PRMT8: variants seen among roughly 807,000 people sequenced by gnomAD.
PRMT8 encodes the protein protein arginine methyltransferase 8, also known as protein arginine N-methyltransferase 8.
A neutral mutation model predicts 47.1 loss-of-function variants in PRMT8; 7 were observed. The ratio of observed to expected loss-of-function variants is 0.15; its 90% CI spans 0.08 to 0.28. PRMT8 has a LOEUF of 0.28. Ranked by LOEUF, PRMT8 falls within the 10% of genes least tolerant of loss-of-function variation. The pLI is 1.00. For synonymous variants in PRMT8, 188 were observed against 186.5 expected (o/e 1.01, Z -0.07); for missense variants, 237 against 505.4 (o/e 0.47, Z 5.09).
chr12:3,384,107 T>C lies in PRMT8; in HGVS notation c.48+2665T>C, dbSNP rs190810055. On this transcript the variant is annotated intron_variant, in intron 1 of 9. Transcript: ENST00000452611. ...ACTGAATAGAACTTCCAGTACTACA[T>C]TGAATAAGAGTGGTAAGAGAGGATA... Among the ~76,000 whole-genome samples, 194 of 152,340 alleles carry C rather than the reference T, an allele frequency of 1.3e-3. 1 individual carries two copies. The highest frequency in any genetic ancestry group is 1.9e-3 in the Non-Finnish European group (127 of 68,028).
intron 1 of PRMT8, among the ~76,000 whole-genome samples, chr12:3,465,266 T>TAAAA: frequency 3.3e-5 from 1 of 29,892 alleles, no homozygotes; most frequent in African/African-American, 8.0e-5. Context: ...TTTATAAATA[T>TAAAA]TTATAAAAAT....
intron 6 of PRMT8, among the ~76,000 whole-genome samples, chr12:3,571,119 A>G (rs1263552902): frequency 6.6e-6 from 1 of 152,218 alleles, no homozygotes; most frequent in Non-Finnish European, 1.5e-5. Context: ...TGGTCCTATA[A>G]TGGGACTAGA....
chr12:3,459,066 G>T (rs1178596841), intron 1 of PRMT8, among the ~76,000 whole-genome samples: 2 of 152,128 alleles, frequency 1.3e-5, no homozygotes, highest in East Asian at 3.9e-4. Flanking sequence ...CTGATGGTGG[G>T]GCAATGGTTC....
intron 1 of PRMT8, among the ~76,000 whole-genome samples, chr12:3,387,435 A>G (rs983429235): frequency 1.3e-5 from 2 of 152,154 alleles, no homozygotes; most frequent in African/African-American, 4.8e-5. Flanking sequence ...TTTTCTTGGT[A>G]TTTCACATAT....
chr12:3,526,828 A>G (rs1284059971), intron 1 of PRMT8, among the ~76,000 whole-genome samples: 1 of 152,182 alleles, frequency 6.6e-6, no homozygotes, highest in African/African-American at 2.4e-5. Flanking sequence ...ATCAGAATTA[A>G]CATGGTATAT....
At chr12:3,532,005 C>A (rs1476084069) in intron 1 of PRMT8, among the ~76,000 whole-genome samples, 1 of 152,110 alleles carries the variant, frequency 6.6e-6, no homozygotes, top group African/African-American at 2.4e-5. Flanking sequence ...AGCTGGAGAG[C>A]CTGTTAACAT....
At position 3,593,345 on chromosome 12, in the gene PRMT8, C is replaced by A; in HGVS notation, c.*163C>A. On this transcript the variant is annotated 3_prime_UTR_variant, in exon 10 of 10. Coordinates refer to ENST00000382622, the MANE Select transcript of PRMT8 (RefSeq NM_019854.5). This position sits in a 1 kb window ranked among gnomAD's most constrained non-coding sequence, Gnocchi z 4.8. ...TCCCCAGGGCTCCCGTGGGCTCTGCCACTGGACAGAAGGCCTCCAGCTCCT... is the reference window on the plus strand; with the variant it reads ...TCCCCAGGGCTCCCGTGGGCTCTGCAACTGGACAGAAGGCCTCCAGCTCCT... 1 of 618,458 alleles carries A rather than the reference C, an allele frequency of 1.6e-6. No homozygotes were observed. The highest frequency in any genetic ancestry group is 2.8e-6 in the Non-Finnish European group (1 of 358,028). The allele number at this position is 618,458 out of a possible 1,614,324, so 38.3% of individuals were successfully genotyped here.
At chr12:3,426,630 A>G (rs1864607467) in intron 1 of PRMT8, among the ~76,000 whole-genome samples, 1 of 152,268 alleles carries the variant, frequency 6.6e-6, no homozygotes, top group Non-Finnish European at 1.5e-5. Context: ...ATTAAATGCA[A>G]TAGTTTGAGG....
At chr12:3,473,451 G>C (rs774206814) in intron 1 of PRMT8, among the ~76,000 whole-genome samples, 1 of 152,160 alleles carries the variant, frequency 6.6e-6, no homozygotes, top group Admixed American at 6.5e-5. Context: ...CTTCCTGAGA[G>C]CCTCTACCTC....
chr12:3,438,816 A>T (rs1864771069), intron 1 of PRMT8, among the ~76,000 whole-genome samples: 1 of 152,210 alleles, frequency 6.6e-6, no homozygotes, highest in South Asian at 2.1e-4. Context: ...TATTCTATTT[A>T]TGGGGATGTT....
intron 1 of PRMT8, among the ~76,000 whole-genome samples, chr12:3,413,628 C>T (rs919006048): frequency 2.6e-5 from 4 of 152,100 alleles, no homozygotes; most frequent in African/African-American, 7.2e-5. Context: ...ATGCATTGTG[C>T]CACAATGTTA....
chr12:3,553,475 C>T, intron 3 of PRMT8, 176 bp from the exon 4 acceptor site: 2 of 626,966 alleles, frequency 3.2e-6, no homozygotes, highest in South Asian at 1.9e-5. Flanking sequence ...TGGAAGGCCG[C>T]TGGCCTTGAG....
In PRMT8 at chr12:3,552,391, A is replaced by T. The variant is rs1341296298; in HGVS notation, c.418-1260A>T. 1.9e-5 allele frequency: 4 copies of T among 211,728 alleles called. No homozygotes were observed. Among genetic ancestry groups the T allele is most frequent in the Non-Finnish European group, 3.9e-5 (4 of 102,794 alleles). 13.1% of individuals were successfully genotyped at this position (211,728 alleles called of 1,614,324 possible). ...AGTTTACCCTCACACACTCACGTGC[A>T]TTGGGGGCTTCGACTTCTCTCGGGA... On this transcript the variant is annotated intron_variant, in intron 3 of 9. Coordinates refer to ENST00000382622, the MANE Select transcript of PRMT8 (RefSeq NM_019854.5). This position sits in a 1 kb window ranked among gnomAD's most constrained non-coding sequence, Gnocchi z 4.5.
At position 3,478,303 on chromosome 12, in the gene PRMT8, TCTATCTAC is replaced by T. The variant is rs1427645855; in HGVS notation, c.49-62299_49-62292del. On this transcript the variant is annotated intron_variant, in intron 1 of 9. Coordinates refer to the PRMT8 transcript ENST00000452611. ...ATCTATCTATCTATCTATCTATCTA[TCTATCTAC>T]CTACCTATCTATCTGTCTGTCTATC... Among the ~76,000 whole-genome samples the T allele has an allele frequency of 2.9e-5, 4 of 136,252 alleles. No homozygotes were observed. In the East Asian group the frequency reaches 8.8e-4, roughly 30 times the overall value. 89.4% of individuals were successfully genotyped at this position (136,252 alleles called of 152,430 possible).
At chr12:3,389,805 T>C (rs924194637) in intron 1 of PRMT8, among the ~76,000 whole-genome samples, 1 of 152,194 alleles carries the variant, frequency 6.6e-6, no homozygotes, top group East Asian at 1.9e-4. Context: ...TTCCGTCTGC[T>C]AGTCTTCCCA....
At chr12:3,457,311 T>G (rs1352767611) in intron 1 of PRMT8, among the ~76,000 whole-genome samples, 1 of 152,184 alleles carries the variant, frequency 6.6e-6, no homozygotes, top group Non-Finnish European at 1.5e-5. Context: ...TAAGCATATT[T>G]TTTTTTCTGT....
At chr12:3,457,144 T>C (rs956985133) in intron 1 of PRMT8, among the ~76,000 whole-genome samples, 5 of 152,130 alleles carry the variant, frequency 3.3e-5, no homozygotes, top group African/African-American at 1.2e-4. Context: ...GCAGCAGCAG[T>C]GTCTGAGTGA....
chr12:3,524,084 C>G (rs1022704667), intron 1 of PRMT8, among the ~76,000 whole-genome samples: 1 of 152,180 alleles, frequency 6.6e-6, no homozygotes, highest in Admixed American at 6.5e-5. Context: ...TTCAACTGGC[C>G]ATTCCATTCA....
At chr12:3,438,968 C>G (rs888093974) in intron 1 of PRMT8, among the ~76,000 whole-genome samples, 7 of 152,136 alleles carry the variant, frequency 4.6e-5, no homozygotes, top group African/African-American at 1.7e-4. Flanking sequence ...CTGTGATTTT[C>G]TGTTCAAGAA....
Sources: allele counts gnomAD v4.1 joint callset (sites outside exome capture counted in the v4.1 genomes callset), GRCh38; gene constraint gnomAD v4.1.1; non-coding constraint Gnocchi (gnomAD v3.1); transcripts MANE v1.5; gene names NCBI Gene and HGNC (gene_info 2026-07-23, HGNC 2026-07-21).